LHFPL6: variants seen among roughly 807,000 people sequenced by gnomAD.
LHFPL6 encodes the protein LHFPL tetraspan subfamily member 6, also known as LHFPL tetraspan subfamily member 6 protein.
A neutral mutation model predicts 20.6 loss-of-function variants in LHFPL6; 9 were observed. That is an observed-to-expected ratio of 0.44 (90% CI 0.26 to 0.76). The LOEUF is 0.76. LHFPL6 is among the 30% of genes least tolerant of loss of function. LHFPL6 has a pLI of 0.20. For synonymous variants in LHFPL6, 105 were observed against 98.7 expected (o/e 1.06, Z -0.38); for missense variants, 218 against 253.5 (o/e 0.86, Z 0.95).
At chr13:39,451,163 C>T (rs1484370859) in intron 2 of LHFPL6, among the ~76,000 whole-genome samples, 2 of 118,634 alleles carry the variant, frequency 1.7e-5, no homozygotes, top group African/African-American at 3.5e-5. Flanking sequence ...GTCATGAGAT[C>T]CATTTTGTTT....
chr13:39,576,807 CA>C (rs1398457036), intron 2 of LHFPL6, among the ~76,000 whole-genome samples: 1 of 137,560 alleles, frequency 7.3e-6, no homozygotes, highest in Admixed American at 7.7e-5. Context: ...CCAATTTAAA[CA>C]AATTTTTTTT....
intron 2 of LHFPL6, among the ~76,000 whole-genome samples, chr13:39,390,412 T>G (rs924790716): frequency 2.0e-5 from 3 of 152,056 alleles, no homozygotes; most frequent in Admixed American, 1.3e-4. Context: ...GCAGGAGGAT[T>G]GCTTAAGCAC....
chr13:39,474,854 G>A (rs1024001537), intron 2 of LHFPL6, among the ~76,000 whole-genome samples: 2 of 152,070 alleles, frequency 1.3e-5, no homozygotes, highest in African/African-American at 4.8e-5. Flanking sequence ...GAGGAGAGAG[G>A]AGAGACCCTA....
chr13:39,343,727 C>T lies in LHFPL6; in HGVS notation c.*209G>A. ...TTTTAGCCTTTGGTCCATTTTTCTC[C>T]ATCATTCTATACTCTCCTTTTTTTT... is the stretch of plus-strand genomic sequence containing the variant. On this transcript the variant is annotated 3_prime_UTR_variant, in exon 4 of 4. Coordinates refer to ENST00000379589, the MANE Select transcript of LHFPL6 (RefSeq NM_005780.3). 10 of 422,650 alleles carry T rather than the reference C, an allele frequency of 2.4e-5. No homozygotes were observed. Among genetic ancestry groups the T allele is most frequent in the Middle Eastern group, 6.2e-4 (1 of 1,610 alleles). 26.2% of individuals were successfully genotyped at this position (422,650 alleles called of 1,614,324 possible).
At chr13:39,474,907 G>A (rs1873044382) in intron 2 of LHFPL6, among the ~76,000 whole-genome samples, 2 of 152,214 alleles carry the variant, frequency 1.3e-5, no homozygotes, top group African/African-American at 4.8e-5. Flanking sequence ...GGTGGCAGTG[G>A]TGGAACTGAT....
At chr13:39,437,491 T>G (rs1265205860) in intron 2 of LHFPL6, among the ~76,000 whole-genome samples, 1 of 152,208 alleles carries the variant, frequency 6.6e-6, no homozygotes. Flanking sequence ...AAAAACTCCC[T>G]GAGGACTTCC....
At chr13:39,584,656 C>T (rs555709040) in intron 2 of LHFPL6, among the ~76,000 whole-genome samples, 2 of 151,378 alleles carry the variant, frequency 1.3e-5, no homozygotes, top group South Asian at 2.1e-4. Context: ...AATATTCTTA[C>T]GTAGACCTGA....
intron 2 of LHFPL6, among the ~76,000 whole-genome samples, chr13:39,456,708 T>C (rs986583628): frequency 6.6e-6 from 1 of 152,144 alleles, no homozygotes; most frequent in Non-Finnish European, 1.5e-5. Context: ...AAAAATTAAG[T>C]TTAAATGAAT....
chr13:39,490,114 C>A (rs9315691), intron 2 of LHFPL6, among the ~76,000 whole-genome samples: 99,817 of 151,436 alleles, frequency 0.66, 33,066 homozygotes, highest in East Asian at 0.85. Flanking sequence ...AAACAGGAAA[C>A]GTCACAGAAT....
chr13:39,470,769 A>G (rs1406247844), intron 2 of LHFPL6, among the ~76,000 whole-genome samples: 1 of 152,232 alleles, frequency 6.6e-6, no homozygotes, highest in Non-Finnish European at 1.5e-5. Flanking sequence ...TTTGAGTGAA[A>G]AAAACCCCAC....
At chr13:39,401,703 C>G (rs1221812239) in intron 2 of LHFPL6, among the ~76,000 whole-genome samples, 1 of 152,174 alleles carries the variant, frequency 6.6e-6, no homozygotes, top group East Asian at 1.9e-4. Flanking sequence ...CTACCATAAG[C>G]AATTAGTCTA....
intron 2 of LHFPL6, among the ~76,000 whole-genome samples, chr13:39,455,083 C>T (rs1262444679): frequency 1.3e-5 from 2 of 152,114 alleles, no homozygotes; most frequent in East Asian, 3.9e-4. Context: ...GACACTAAAT[C>T]TGCTTGTACA....
At chr13:39,367,836 A>G (rs1391564923) in intron 3 of LHFPL6, among the ~76,000 whole-genome samples, 1 of 152,242 alleles carries the variant, frequency 6.6e-6, no homozygotes, top group Non-Finnish European at 1.5e-5. Flanking sequence ...AGTTAAAATC[A>G]GTCTGAAGAT....
At chr13:39,466,402 A>G (rs1313080149) in intron 2 of LHFPL6, among the ~76,000 whole-genome samples, 1 of 152,188 alleles carries the variant, frequency 6.6e-6, no homozygotes, top group East Asian at 1.9e-4. Flanking sequence ...TGGGCAATGC[A>G]AAGACTGCTG....
chr13:39,454,396 G>A lies in LHFPL6; in HGVS notation c.386-75870C>T, dbSNP rs1247151365. Among the ~76,000 whole-genome samples the A allele has an allele frequency of 2.0e-5, 2 of 98,826 alleles. 1 individual carries two copies. Among genetic ancestry groups the A allele is most frequent in the African/African-American group, 1.0e-4 (2 of 19,486 alleles). 64.8% of individuals were successfully genotyped at this position (98,826 alleles called of 152,430 possible). A position where few individuals can be genotyped will look rare whatever the true frequency, so the allele number is the denominator to read the frequency against. On this transcript the variant is annotated intron_variant, in intron 2 of 3. Coordinates refer to ENST00000379589, the MANE Select transcript of LHFPL6 (RefSeq NM_005780.3). ...TGTAATCCCAGCACTTTGGGAGGCC[G>A]AGGCGGGCGGATCATGAGGTCAGGA...
chr13:39,396,119 T>C (rs1417556345), intron 2 of LHFPL6, among the ~76,000 whole-genome samples: 1 of 151,906 alleles, frequency 6.6e-6, no homozygotes, highest in African/African-American at 2.4e-5. Flanking sequence ...GTGTTGGGGG[T>C]GTCTCTGTGG....
chr13:39,526,766 C>G (rs1870301199), intron 2 of LHFPL6, among the ~76,000 whole-genome samples: 1 of 152,210 alleles, frequency 6.6e-6, no homozygotes, highest in African/African-American at 2.4e-5. Context: ...ATTATAGCTA[C>G]TGACATCACG....
At chr13:39,353,201 G>A (rs1397640308) in intron 3 of LHFPL6, among the ~76,000 whole-genome samples, 2 of 150,808 alleles carry the variant, frequency 1.3e-5, no homozygotes, top group Non-Finnish European at 2.9e-5. Context: ...GGCCTGGCTG[G>A]TCTCAAACTC....
intron 2 of LHFPL6, among the ~76,000 whole-genome samples, chr13:39,427,471 T>G (rs1359410119): frequency 1.3e-5 from 2 of 152,172 alleles, no homozygotes; most frequent in African/African-American, 4.8e-5. Flanking sequence ...TTGCTAAGAG[T>G]TTTTATCAGT....
Sources: gnomAD v4.1 joint callset for allele counts (sites outside exome capture counted in the v4.1 genomes callset) on GRCh38, gnomAD v4.1.1 for gene constraint, MANE v1.5 for transcripts, NCBI Gene and HGNC (gene_info 2026-07-23, HGNC 2026-07-21) for gene names.